The following CTNNA2 variants were observed in gnomAD, a reference collection of about 807,000 sequenced individuals.
The protein encoded by CTNNA2 is catenin alpha-2.
CTNNA2 carries 42 observed loss-of-function variants against 101.0 expected under a neutral mutation model. The observed-to-expected ratio is 0.42, with a 90% CI of 0.32 to 0.54. The LOEUF is 0.54. Ranked by LOEUF, CTNNA2 falls within the 20% of genes least tolerant of loss-of-function variation. The pLI is 0.14. For missense variants in CTNNA2, 871 were observed against 1,223.1 expected (o/e 0.71, Z 4.29); for synonymous variants, 450 against 456.4 (o/e 0.99, Z 0.18).
intron 1 of CTNNA2, among the ~76,000 whole-genome samples, chr2:79,597,135 G>A (rs1677241905): frequency 6.6e-6 from 1 of 152,142 alleles, no homozygotes; most frequent in South Asian, 2.1e-4. Context: ...CCTTTTGTGT[G>A]TGAACAACTG....
intron 1 of CTNNA2, among the ~76,000 whole-genome samples, chr2:79,643,197 A>AC (rs1475890266): frequency 6.6e-6 from 1 of 152,166 alleles, no homozygotes; most frequent in Non-Finnish European, 1.5e-5. Context: ...CTCAAAAAAA[A>AC]AATTAACAGA....
intron 2 of CTNNA2, among the ~76,000 whole-genome samples, chr2:79,733,376 A>C (rs781424545): frequency 2.0e-5 from 3 of 152,108 alleles, no homozygotes; most frequent in Non-Finnish European, 4.4e-5. Context: ...TATTATGAAT[A>C]AAGGCAGTGT....
chr2:80,124,213 T>A (rs945685459), intron 7 of CTNNA2, among the ~76,000 whole-genome samples: 22 of 152,122 alleles, frequency 1.4e-4, no homozygotes, highest in Non-Finnish European at 2.9e-5. Context: ...ATGCCCCAGA[T>A]CTATGTCCAG....
intron 1 of CTNNA2, among the ~76,000 whole-genome samples, chr2:79,565,183 G>A (rs1361609517): frequency 6.6e-6 from 1 of 151,740 alleles, no homozygotes; most frequent in Non-Finnish European, 1.5e-5. Context: ...GTTGTCACAC[G>A]ATCATGAAAT....
At chr2:79,690,550 T>C (rs181009336) in intron 2 of CTNNA2, among the ~76,000 whole-genome samples, 3 of 152,162 alleles carry the variant, frequency 2.0e-5, no homozygotes, top group African/African-American at 7.2e-5. Flanking sequence ...GATGGGCTTT[T>C]GGGTTGGTTC....
chr2:80,039,126 C>A (rs1001107645), intron 7 of CTNNA2, among the ~76,000 whole-genome samples: 2 of 152,114 alleles, frequency 1.3e-5, no homozygotes, highest in African/African-American at 4.8e-5. Context: ...ATGTGTGTTT[C>A]TTTTAAAATT....
intron 2 of CTNNA2, among the ~76,000 whole-genome samples, chr2:79,668,180 C>A (rs113990224): frequency 0.042 from 5,763 of 137,008 alleles, 365 homozygotes; most frequent in African/African-American, 0.15. Flanking sequence ...GTGGAGCTTG[C>A]AGTGAGCCGA....
At chr2:80,146,128 A>G (rs1227195338) in intron 7 of CTNNA2, among the ~76,000 whole-genome samples, 1 of 152,162 alleles carries the variant, frequency 6.6e-6, no homozygotes, top group Non-Finnish European at 1.5e-5. Flanking sequence ...GAGGTGCTCC[A>G]ATGGACAGCC....
intron 1 of CTNNA2, among the ~76,000 whole-genome samples, chr2:79,622,916 T>G (rs1679085824): frequency 6.6e-6 from 1 of 152,196 alleles, no homozygotes; most frequent in African/African-American, 2.4e-5. Flanking sequence ...AACTAATTTT[T>G]AAGGAAGCAT....
chr2:80,568,826 G>A (rs1694299065), intron 12 of CTNNA2, among the ~76,000 whole-genome samples: 1 of 152,170 alleles, frequency 6.6e-6, no homozygotes, highest in Admixed American at 6.5e-5. Context: ...TGAAGTTAAA[G>A]TCTGTCTAAC....
In CTNNA2 at chr2:80,157,030, C is replaced by T. The variant is rs2148937528; in HGVS notation, c.1057-236181C>T. Among the ~76,000 whole-genome samples the T allele has an allele frequency of 1.3e-5, 2 of 152,260 alleles. 1 individual carries two copies. The highest frequency in any genetic ancestry group is 6.8e-3 in the Middle Eastern group (2 of 294). ...TCTGTCCCTATTTCTGGTTTTCTCACTCTGGTGGTATAGGACAGATCAGCT... is the reference window on the plus strand; with the variant it reads ...TCTGTCCCTATTTCTGGTTTTCTCATTCTGGTGGTATAGGACAGATCAGCT... On this transcript the variant is annotated intron_variant, in intron 7 of 18. Coordinates refer to ENST00000402739, the MANE Select transcript of CTNNA2 (RefSeq NM_001282597.3).
At chr2:80,103,660 C>A (rs1700692172) in intron 7 of CTNNA2, among the ~76,000 whole-genome samples, 1 of 150,980 alleles carries the variant, frequency 6.6e-6, no homozygotes, top group South Asian at 2.1e-4. Flanking sequence ...ATGGTGTGTG[C>A]ACACACCTGA....
intron 4 of CTNNA2, among the ~76,000 whole-genome samples, chr2:79,478,101 A>T (rs1355862418): frequency 3.9e-5 from 6 of 152,330 alleles, no homozygotes; most frequent in South Asian, 4.1e-4. Context: ...ACTTCAACTT[A>T]AAAAAGGCAA....
rs1426741613 is a variant in CTNNA2 at position 80,267,817 on chromosome 2, G to A, written c.1057-125394G>A. ...AGAGGCTGTGTTAGTGGATTTTTCA[G>A]TGAGGATGAGAGTCTAAGGGGAGTA... On this transcript the variant is annotated intron_variant, in intron 7 of 18. Coordinates refer to ENST00000402739, the MANE Select transcript of CTNNA2 (RefSeq NM_001282597.3). Among the ~76,000 whole-genome samples the A allele has an allele frequency of 2.0e-5, 3 of 152,218 alleles. No homozygotes were observed. In the East Asian group the frequency reaches 5.8e-4, roughly 29 times the overall value.
At chr2:79,901,212 G>GTT (rs144702167) in intron 6 of CTNNA2, among the ~76,000 whole-genome samples, 2,130 of 143,272 alleles carry the variant, frequency 0.015, 141 homozygotes, top group Admixed American at 0.11. Flanking sequence ...TTCTCTTTCA[G>GTT]TTTTTTTTTT....
intron 7 of CTNNA2, among the ~76,000 whole-genome samples, chr2:79,966,012 A>C (rs1387455637): frequency 6.6e-6 from 1 of 152,048 alleles, no homozygotes; most frequent in East Asian, 1.9e-4. Context: ...CTTGCCCACA[A>C]AATTCTGGGT....
chr2:80,325,055 C>T (rs561070296), intron 7 of CTNNA2, among the ~76,000 whole-genome samples: 1 of 152,168 alleles, frequency 6.6e-6, no homozygotes, highest in African/African-American at 2.4e-5. Flanking sequence ...TTCATGAGAA[C>T]AGGGGTTTCA....
At chr2:79,741,677 T>C (rs1022496633) in intron 2 of CTNNA2, among the ~76,000 whole-genome samples, 1 of 152,188 alleles carries the variant, frequency 6.6e-6, no homozygotes, top group Non-Finnish European at 1.5e-5. Context: ...TTCCTTTAGG[T>C]TTTTATTGTT....
At chr2:80,145,075 A>C (rs1467840268) in intron 7 of CTNNA2, among the ~76,000 whole-genome samples, 1 of 152,190 alleles carries the variant, frequency 6.6e-6, no homozygotes, top group Non-Finnish European at 1.5e-5. Context: ...TCTAGAAGCT[A>C]TGGATACAGA....
Sources: allele counts gnomAD v4.1 joint callset (sites outside exome capture counted in the v4.1 genomes callset), GRCh38; gene constraint gnomAD v4.1.1; transcripts MANE v1.5; gene names NCBI Gene and HGNC (gene_info 2026-07-23, HGNC 2026-07-21).